ATP12A: variants seen among roughly 807,000 people sequenced by gnomAD.
ATP12A encodes the protein potassium-transporting ATPase alpha chain 2.
Under a neutral mutation model 111.2 loss-of-function variants are expected in ATP12A, and 81 were observed. The observed-to-expected ratio is 0.73, with a 90% confidence interval of 0.61 to 0.88. The LOEUF is 0.88. Among genes scored for constraint, ATP12A ranks in the 40% least tolerant of loss-of-function variants. The probability of loss-of-function intolerance (pLI) is 0.00; values close to 1 mark genes in which losing one functional copy is unlikely to be tolerated. For missense variants in ATP12A, 1,196 were observed against 1,313.1 expected (o/e 0.91, Z 1.38); for synonymous variants, 498 against 499.8 (o/e 1.00, Z 0.05).
intron 11 of ATP12A, 116 bp from the exon 12 acceptor site, chr13:24,698,542 G>T: frequency 1.7e-6 from 2 of 1,175,256 alleles, no homozygotes; most frequent in Non-Finnish European, 2.3e-6. Context: ...AAAAAGGGCG[G>T]AACATGCTGA....
Position 24,690,447 on chromosome 13 carries a change from G to C in ATP12A, c.656G>C (p.Arg219Thr), listed in dbSNP as rs374324240. The change falls in exon 6 of 23, where the codon AGG (arginine) becomes ACG (threonine). Residue 219 changes from arginine (R) to threonine (T), a missense_variant. By Grantham distance (71) the Arg-to-Thr change is moderately conservative. Transcript: ENST00000381946. The part of the protein sequence containing the change: ...KGGDQIPADI[R>T]VLSSQGCRVD... ...GGAGACCAGATCCCTGCAGACATCA[G>C]GGTGCTGTCTTCTCAGGGGTGTCGG... 2.7e-5 allele frequency: 44 copies of C among 1,613,738 alleles called. No individual in the cohort carries two copies. In the African/African-American group the frequency reaches 3.7e-4, roughly 14 times the overall value.
In ATP12A at chr13:24,698,650, C is replaced by T. The variant is rs1875266792; in HGVS notation, c.1513-8C>T. ...TGTAAGTAACACGCTCAGTTCATTC[C>T]TTCCCAGCTCTCCATCCACGAGATG... is the stretch of plus-strand genomic sequence containing the variant. On this transcript the variant is annotated splice_polypyrimidine_tract_variant and splice_region_variant and intron_variant, in intron 11 of 22. Coordinates refer to ENST00000381946, the MANE Select transcript of ATP12A (RefSeq NM_001676.7). 1 of 1,612,378 alleles carries T rather than the reference C, an allele frequency of 6.2e-7. No homozygotes were observed. The highest frequency in any genetic ancestry group is 8.5e-7 in the Non-Finnish European group (1 of 1,179,714).
At chr13:24,698,540 C>T (rs913963943) in intron 11 of ATP12A, 118 bp from the exon 12 acceptor site, 21 of 1,149,320 alleles carry the variant, frequency 1.8e-5, no homozygotes, top group East Asian at 5.2e-5. Context: ...AGAAAAAGGG[C>T]GGAACATGCT....
chr13:24,704,717 A>C (rs1256636567), intron 14 of ATP12A: 1 of 243,148 alleles, frequency 4.1e-6, no homozygotes, highest in Non-Finnish European at 8.3e-6. Context: ...TCTTCCTACG[A>C]ATGTGGGAAG....
In ATP12A at chr13:24,711,564, A is replaced by G; in HGVS notation, c.*42A>G. The G allele has an allele frequency of 6.2e-7, 1 of 1,612,648 alleles. No individual in the cohort carries two copies. Among genetic ancestry groups the G allele is most frequent in the East Asian group, 2.2e-5 (1 of 44,874 alleles). Reference sequence around the variant, plus strand: ...ATGTCTCTCAGCAGCACGTTGGGGCACACTTGTTCATCTTCTGACCGTTTG... The same window carrying G: ...ATGTCTCTCAGCAGCACGTTGGGGCGCACTTGTTCATCTTCTGACCGTTTG... On this transcript the variant is annotated 3_prime_UTR_variant, in exon 23 of 23. Coordinates refer to ENST00000381946, the MANE Select transcript of ATP12A (RefSeq NM_001676.7).
rs554296830 is a variant in ATP12A at position 24,711,842 on chromosome 13, G to A, written c.*320G>A. The stretch of plus-strand genomic sequence containing the variant: ...ATGTTAATAGTCTTGTGTAACCCAG[G>A]CATCTACTGGGGCCTGCCTTAAGCT... On this transcript the variant is annotated 3_prime_UTR_variant, in exon 23 of 23. Transcript: ENST00000381946. 16 of 401,006 alleles carry A rather than the reference G, an allele frequency of 4.0e-5. No individual in the cohort carries two copies. Among genetic ancestry groups the A allele is most frequent in the Non-Finnish European group, 7.4e-5 (16 of 216,346 alleles). The allele number at this position is 401,006 out of a possible 1,614,324, so 24.8% of individuals were successfully genotyped here.
rs1874618586 is a variant in ATP12A, at chr13:24,685,006, C to A, written c.169-308C>A. ...CACCTGGAAGATGAGGGTGCCAGAA[C>A]CTGTATGCCCTGGAGTTCAGATTGA... On this transcript the variant is annotated intron_variant, in intron 2 of 22. Transcript: ENST00000381946. This position sits in a 1 kb window ranked among gnomAD's most constrained non-coding sequence, Gnocchi z 5.5. 6.6e-6 allele frequency among the ~76,000 whole-genome samples: 1 copy of A among 152,172 alleles called. No individual in the cohort carries two copies. The highest frequency in any genetic ancestry group is 2.1e-4 in the South Asian group (1 of 4,830).
In ATP12A at chr13:24,688,425, T is replaced by TG. The variant is rs35191129; in HGVS notation, c.342dup (p.Phe115ValfsTer64). On this transcript the variant is annotated frameshift_variant, in exon 4 of 23. Transcript: ENST00000381946. LOFTEE classifies it high-confidence loss of function. The stretch of plus-strand genomic sequence containing the variant: ...ATCGTCAAGTTCCTCAAGCAGATGG[T>TG]GGGGGGGTTCTCTATCCTCCTGTGG... The TG allele has an allele frequency of 1.9e-5, 31 of 1,613,842 alleles. No individual in the cohort carries two copies. The highest frequency in any genetic ancestry group is 4.5e-5 in the East Asian group (2 of 44,874).
In ATP12A at chr13:24,680,719, C is replaced by CG; in HGVS notation, c.-25_-24insG. On this transcript the variant is annotated 5_prime_UTR_variant, in exon 1 of 23. Coordinates refer to ENST00000381946, the MANE Select transcript of ATP12A (RefSeq NM_001676.7). ...GTCCCGGATCCGCGCTCCACGCCCG[C>CG]AGCCCGCGGCGCCACCAGCCCAGCA... The CG allele has an allele frequency of 4.0e-6, 6 of 1,501,562 alleles. No individual in the cohort carries two copies. The highest frequency in any genetic ancestry group is 5.3e-6 in the Non-Finnish European group (6 of 1,132,806). 93.0% of individuals were successfully genotyped at this position (1,501,562 alleles called of 1,614,324 possible).
At chr13:24,705,065 A>T (rs1330685083) in intron 14 of ATP12A, among the ~76,000 whole-genome samples, 1 of 152,252 alleles carries the variant, frequency 6.6e-6, no homozygotes, top group Admixed American at 6.5e-5. Context: ...GTCAAGTGCT[A>T]GAATTCCAGT....
At chr13:24,708,905 GA>G (rs1283089530) in intron 17 of ATP12A, among the ~76,000 whole-genome samples, 15 of 68,386 alleles carry the variant, frequency 2.2e-4, no homozygotes, top group Admixed American at 1.8e-3. Context: ...AGAAAGGAAA[GA>G]AAGAAAGAAA....
In ATP12A at chr13:24,681,741, G is replaced by T. The variant is rs776877007; in HGVS notation, c.168+21G>T. 13 of 1,613,760 alleles carry T rather than the reference G, an allele frequency of 8.1e-6. No homozygotes were observed. In the South Asian group the frequency reaches 1.3e-4, roughly 16 times the overall value. ...ATCTGGTCAGTAGCCTTAAGCCACG[G>T]GGTCCTGCCGGCTATGGCCCTTCCC... On this transcript the variant is annotated intron_variant, in intron 2 of 22. Coordinates refer to ENST00000381946, the MANE Select transcript of ATP12A (RefSeq NM_001676.7).
intron 17 of ATP12A, 80 bp from the exon 18 acceptor site, chr13:24,709,265 CCCATCCAGCCAGTGCCCCA>C: frequency 4.4e-6 from 2 of 456,562 alleles, no homozygotes; most frequent in South Asian, 3.1e-5. Flanking sequence ...TGCCCCCCAC[CCCATCCAGCCAGTGCCCCA>C]CCCACCCCAG....
At chr13:24,691,277 C>T (rs1228157545) in intron 8 of ATP12A, 27 bp downstream of exon 8, 2 of 1,589,896 alleles carry the variant, frequency 1.3e-6, no homozygotes, top group Non-Finnish European at 1.7e-6. Flanking sequence ...AGACAGCCTG[C>T]ACCTGGCCCT....
intron 21 of ATP12A, 109 bp downstream of exon 21, chr13:24,711,002 G>T: frequency 1.0e-6 from 1 of 990,566 alleles, no homozygotes; most frequent in Non-Finnish European, 1.5e-6. Context: ...TCTTTCAAAA[G>T]ACGTCAAACT....
rs1255194754 is a variant in ATP12A, at chr13:24,711,866, C to G, written c.*344C>G. The G allele has an allele frequency of 1.6e-5, 6 of 368,058 alleles. No homozygotes were observed. The highest frequency in any genetic ancestry group is 5.1e-5 in the South Asian group (2 of 39,002). 22.8% of individuals were successfully genotyped at this position (368,058 alleles called of 1,614,324 possible). A position where few individuals can be genotyped will look rare whatever the true frequency, so the allele number is the denominator to read the frequency against. On this transcript the variant is annotated 3_prime_UTR_variant, in exon 23 of 23. Transcript: ENST00000381946. ...GGCATCTACTGGGGCCTGCCTTAAG[C>G]TCTAGCTAGGATTGCTCAGAACTCC...
At position 24,709,750 on chromosome 13, in the gene ATP12A, C is replaced by G; in HGVS notation, c.2685C>G (p.Pro895=). Residue 895 remains proline (P), a synonymous_variant, in exon 19 of 23, where the codon CCC becomes CCG. Transcript: ENST00000381946. Reference sequence around the variant, plus strand: ...TCTATGCACAAGAGGGCTTTCTGCCCCGCACTCTCATTAACCTGCGGGTAG... The same window carrying G: ...TCTATGCACAAGAGGGCTTTCTGCCGCGCACTCTCATTAACCTGCGGGTAG... ...FTVYAQEGFL[P]RTLINLRVEW... is the part of the protein sequence containing the mutation. 6.2e-7 allele frequency: 1 copy of G among 1,614,218 alleles called. No individual in the cohort carries two copies. The highest frequency in any genetic ancestry group is 1.3e-5 in the African/African-American group (1 of 75,044).
At chr13:24,687,080 C>T (rs1015583477) in intron 3 of ATP12A, among the ~76,000 whole-genome samples, 15 of 152,086 alleles carry the variant, frequency 9.9e-5, no homozygotes, top group Non-Finnish European at 1.9e-4. Flanking sequence ...GAGATGGGAT[C>T]GAGGTGGTGA....
intron 17 of ATP12A, among the ~76,000 whole-genome samples, chr13:24,707,635 C>T (rs1875731706): frequency 1.3e-5 from 2 of 152,174 alleles, no homozygotes; most frequent in Admixed American, 1.3e-4. Flanking sequence ...AAGCAAGGGA[C>T]CAGAGGCATC....
Sources: gnomAD v4.1 joint callset for allele counts (sites outside exome capture counted in the v4.1 genomes callset) on GRCh38, gnomAD v4.1.1 for gene constraint, Gnocchi (gnomAD v3.1) non-coding constraint, MANE v1.5 for transcripts, NCBI Gene and HGNC (gene_info 2026-07-23, HGNC 2026-07-21) for gene names.